Variants in POPDC2 observed in about 807,000 individuals in gnomAD.
POPDC2 encodes the protein popeye domain cAMP effector 2, also known as popeye domain-containing protein 2.
POPDC2 carries 24 observed loss-of-function variants against 30.5 expected under a neutral mutation model. The ratio of observed to expected loss-of-function variants is 0.79; its 90% CI spans 0.57 to 1.11. The LOEUF (loss-of-function observed/expected upper bound fraction) is 1.11. POPDC2 is among the 50% of genes least tolerant of loss of function. The pLI is 0.00. For missense variants in POPDC2, 409 were observed against 447.0 expected (o/e 0.91, Z 0.77); for synonymous variants, 185 against 183.3 (o/e 1.01, Z -0.07).
chr3:119,645,770 A>G (rs933421741), intron 3 of POPDC2, among the ~76,000 whole-genome samples: 3 of 152,280 alleles, frequency 2.0e-5, no homozygotes, highest in African/African-American at 7.2e-5. Context: ...TCTTGCTGAA[A>G]GACACTCAGA....
At position 119,660,505 on chromosome 3, in the gene POPDC2, C is replaced by T. The variant is rs4688024; in HGVS notation, c.-82G>A. The T allele has an allele frequency of 0.22, 321,969 of 1,467,962 alleles. 37,358 individuals carry two copies. Among genetic ancestry groups the T allele is most frequent in the Admixed American group, 0.33 (14,205 of 43,678 alleles). 90.9% of individuals were successfully genotyped at this position (1,467,962 alleles called of 1,614,324 possible). ...CAGAAAATGAATGAATCCATCCGCTCAGGGGTCTTCTCACCTCCGGCTTCT... is the reference window on the plus strand; with the variant it reads ...CAGAAAATGAATGAATCCATCCGCTTAGGGGTCTTCTCACCTCCGGCTTCT... On this transcript the variant is annotated 5_prime_UTR_variant, in exon 1 of 4. Transcript: ENST00000493094.
chr3:119,655,026 G>A (rs1210570904), intron 1 of POPDC2, among the ~76,000 whole-genome samples: 1 of 152,130 alleles, frequency 6.6e-6, no homozygotes, highest in Non-Finnish European at 1.5e-5. Flanking sequence ...AGAAACTACT[G>A]CTTAAGAACT....
At chr3:119,658,563 C>A (rs75641623) in intron 1 of POPDC2, among the ~76,000 whole-genome samples, 1,711 of 152,308 alleles carry the variant, frequency 0.011, 25 homozygotes, top group African/African-American at 0.038. Flanking sequence ...CATGAATGAG[C>A]AAGTTCCCTA....
intron 2 of POPDC2, 64 bp from the exon 3 acceptor site, chr3:119,648,732 G>A: frequency 7.2e-7 from 1 of 1,393,694 alleles, no homozygotes; most frequent in East Asian, 2.3e-5. Context: ...GCTGAGCACA[G>A]AGATCATTCA....
intron 3 of POPDC2, among the ~76,000 whole-genome samples, chr3:119,643,208 A>G (rs2052709995): frequency 6.6e-6 from 1 of 152,182 alleles, no homozygotes; most frequent in Non-Finnish European, 1.5e-5. Context: ...GCTACCAAAA[A>G]CCTTACAGCT....
intron 1 of POPDC2, among the ~76,000 whole-genome samples, chr3:119,654,960 AACTGGATATTATTAGTATTT>A (rs1347410214): frequency 1.3e-5 from 2 of 152,198 alleles, no homozygotes; most frequent in East Asian, 3.9e-4. Flanking sequence ...TCTAGGTAGG[AACTGGATATTATTAGTATTT>A]ACATCTCCCC....
intron 3 of POPDC2, among the ~76,000 whole-genome samples, chr3:119,645,797 T>C (rs1165814028): frequency 6.6e-6 from 1 of 152,208 alleles, no homozygotes; most frequent in Non-Finnish European, 1.5e-5. Flanking sequence ...GGGGCTTGTG[T>C]CTACTGTACT....
intron 1 of POPDC2, among the ~76,000 whole-genome samples, chr3:119,655,294 T>G (rs1392311961): frequency 6.6e-6 from 1 of 152,126 alleles, no homozygotes; most frequent in Non-Finnish European, 1.5e-5. Flanking sequence ...ACCACTGCAC[T>G]CCAGCCTGGG....
At chr3:119,650,770 A>G (rs2052798981) in intron 2 of POPDC2, among the ~76,000 whole-genome samples, 1 of 152,186 alleles carries the variant, frequency 6.6e-6, no homozygotes, top group African/African-American at 2.4e-5. Context: ...CAACTCCCAA[A>G]TTTATGTCTC....
chr3:119,654,134 C>A (rs1163276633), intron 2 of POPDC2, among the ~76,000 whole-genome samples: 1 of 152,022 alleles, frequency 6.6e-6, no homozygotes, highest in Non-Finnish European at 1.5e-5. Context: ...TAGGGAAGTA[C>A]TAGTGGTTCA....
chr3:119,643,382 G>A (rs200972838), intron 3 of POPDC2: 4 of 1,535,414 alleles, frequency 2.6e-6, no homozygotes, highest in Non-Finnish European at 3.5e-6. Flanking sequence ...GTTGTCAGGG[G>A]ATTCTGCCAG....
chr3:119,648,041 G>GAC lies in POPDC2; in HGVS notation c.*43+77_*43+78insGT. 4.2e-6 allele frequency: 5 copies of GAC among 1,183,410 alleles called. No homozygotes were observed. The South Asian group carries it at 8.8e-5, about 21-fold the overall frequency. The allele number at this position is 1,183,410 out of a possible 1,614,324, so 73.3% of individuals were successfully genotyped here. ...CTCTAAGAGGAAATGTTCCACGAAT[G>GAC]ATTTTTTTTGCCCTAACAAGCTGAG... is the stretch of plus-strand genomic sequence containing the variant. On this transcript the variant is annotated intron_variant, in intron 3 of 3. Coordinates refer to ENST00000493094, the MANE Select transcript of POPDC2 (RefSeq NM_001369919.2).
chr3:119,648,264 T>C lies in POPDC2; in HGVS notation c.1005A>G (p.Ile335Met), dbSNP rs201176106. 1.9e-6 allele frequency: 3 copies of C among 1,613,670 alleles called. No homozygotes were observed. The African/African-American group carries it at 4.0e-5, about 22-fold the overall frequency. Residue 335 changes from isoleucine to methionine, a missense_variant, in exon 3 of 4, where the codon ATA becomes ATG. Physicochemically the swap from Ile to Met is conservative, Grantham distance 10. Coordinates refer to ENST00000493094, the MANE Select transcript of POPDC2 (RefSeq NM_001369919.2). ...RARLSRPDSG[I>M]LGEDSTSLVL... is the part of the protein sequence containing the mutation. Reference sequence around the variant, plus strand: ...CCAGACTGGTGGAGTCCTCACCCAGTATGCCACTGTCTGGCCTGGACAACC... The same window carrying C: ...CCAGACTGGTGGAGTCCTCACCCAGCATGCCACTGTCTGGCCTGGACAACC...
At chr3:119,659,151 C>T (rs1179122338) in intron 1 of POPDC2, among the ~76,000 whole-genome samples, 1 of 152,236 alleles carries the variant, frequency 6.6e-6, no homozygotes, top group Non-Finnish European at 1.5e-5. Flanking sequence ...TGGGCATACA[C>T]TGATCCTGAC....
Position 119,660,365 on chromosome 3 carries a change from C to T in POPDC2, c.59G>A (p.Arg20Lys). 1.2e-6 allele frequency: 2 copies of T among 1,614,148 alleles called. No individual in the cohort carries two copies. Among genetic ancestry groups the T allele is most frequent in the Non-Finnish European group, 1.7e-6 (2 of 1,180,028 alleles). ...QLLLQGSACI[R>K]WKQDVEGAVY... ...AGCCCCTTCCACATCCTGCTTCCAC[C>T]TAATGCACGCTGAACCCTGCAAGAG... Residue 20 changes from arginine (R) to lysine (K), a missense_variant, in exon 1 of 4, where the codon AGG becomes AAG. Coordinates refer to ENST00000493094, the MANE Select transcript of POPDC2 (RefSeq NM_001369919.2).
rs140877810 is a variant in POPDC2, at chr3:119,646,184, G to A, written c.*43+1935C>T. Among the ~76,000 whole-genome samples the A allele has an allele frequency of 4.3e-3, 647 of 152,086 alleles. 2 individuals carry two copies. Among genetic ancestry groups the A allele is most frequent in the African/African-American group, 0.014 (599 of 41,492 alleles). ...TAAGATGGGGGTACAGGGTGTTTAGGAGGAAGAATAGATACAGCAAGGCAA... is the reference window on the plus strand; with the variant it reads ...TAAGATGGGGGTACAGGGTGTTTAGAAGGAAGAATAGATACAGCAAGGCAA... On this transcript the variant is annotated intron_variant, in intron 3 of 3. Coordinates refer to ENST00000493094, the MANE Select transcript of POPDC2 (RefSeq NM_001369919.2).
At position 119,660,001 on chromosome 3, in the gene POPDC2, G is replaced by C. The variant is rs765207427; in HGVS notation, c.423C>G (p.Ala141=). ...HCCEEQVLTL[A]TEQTYAVEGE... Reference sequence around the variant, plus strand: ...CCTCCACAGCATAGGTCTGTTCAGTGGCCAGAGTTAAGACCTGCTCCTCGC... The same window carrying C: ...CCTCCACAGCATAGGTCTGTTCAGTCGCCAGAGTTAAGACCTGCTCCTCGC... The change falls in exon 1 of 4, where the codon GCC becomes GCG. Residue 141 remains alanine (A), a synonymous_variant. Transcript: ENST00000493094. The C allele has an allele frequency of 2.5e-5, 40 of 1,614,074 alleles. No homozygotes were observed. In the South Asian group the frequency reaches 4.3e-4, roughly 17 times the overall value.
In POPDC2 at chr3:119,652,905, C is replaced by T. The variant is rs550962820; in HGVS notation, c.600+1600G>A. Among the ~76,000 whole-genome samples, 8 of 152,176 alleles carry T rather than the reference C, an allele frequency of 5.3e-5. No individual in the cohort carries two copies. The South Asian group carries it at 1.5e-3, about 28-fold the overall frequency. ...AGCACTGCCCGGTGTGTGTCTGTTC[C>T]GGGGTTGGCTCATATGTTGGCTTGA... is the stretch of plus-strand genomic sequence containing the variant. On this transcript the variant is annotated intron_variant, in intron 2 of 3. Transcript: ENST00000493094.
chr3:119,656,006 G>T (rs1330989076), intron 1 of POPDC2, among the ~76,000 whole-genome samples: 3 of 152,070 alleles, frequency 2.0e-5, no homozygotes, highest in Non-Finnish European at 4.4e-5. Flanking sequence ...CTCCTTCCCT[G>T]GGAATTTGGA....
Sources: allele counts gnomAD v4.1 joint callset (sites outside exome capture counted in the v4.1 genomes callset), GRCh38; gene constraint gnomAD v4.1.1; transcripts MANE v1.5; gene names NCBI Gene and HGNC (gene_info 2026-07-23, HGNC 2026-07-21).